The following FRMD6 variants were observed in gnomAD, a reference collection of about 807,000 sequenced individuals.
FRMD6 encodes FERM domain-containing protein 6.
A neutral mutation model predicts 73.2 loss-of-function variants in FRMD6; 37 were observed. The observed-to-expected ratio is 0.51, with a 90% CI of 0.39 to 0.66. The LOEUF is 0.66. Ranked by LOEUF, FRMD6 falls within the 30% of genes least tolerant of loss-of-function variation. FRMD6 has a pLI of 0.00. For missense variants in FRMD6, 714 were observed against 780.5 expected (o/e 0.91, Z 1.02); for synonymous variants, 273 against 282.2 (o/e 0.97, Z 0.33).
chr14:51,590,754 C>T (rs1566488706), intron 2 of FRMD6, among the ~76,000 whole-genome samples: 1 of 152,202 alleles, frequency 6.6e-6, no homozygotes. Context: ...ATGGAGATGT[C>T]TCCAAAGATC....
chr14:51,428,271 C>T, the FRMD6 span, among the ~76,000 whole-genome samples: 1 of 149,908 alleles, frequency 6.7e-6, no homozygotes, highest in South Asian at 2.1e-4. Context: ...GCCCAGGCTG[C>T]CCCCCACCCG....
chr14:51,713,389 C>T (rs1434944036), intron 9 of FRMD6, among the ~76,000 whole-genome samples: 1 of 148,300 alleles, frequency 6.7e-6, no homozygotes, highest in Non-Finnish European at 1.5e-5. Flanking sequence ...ACCCGAGAGG[C>T]GATGGTTGCC....
At chr14:51,713,439 CAA>C (rs1897061653) in intron 9 of FRMD6, among the ~76,000 whole-genome samples, 1 of 121,822 alleles carries the variant, frequency 8.2e-6, no homozygotes, top group South Asian at 2.6e-4. Flanking sequence ...GCCTAGGTAA[CAA>C]GAGTGCAACT....
chr14:51,478,526 G>A, the FRMD6 span, among the ~76,000 whole-genome samples: 5 of 152,132 alleles, frequency 3.3e-5, no homozygotes, highest in Non-Finnish European at 7.4e-5. Context: ...GAAATAAAAT[G>A]TTTCTCTATG....
At chr14:51,583,964 T>C (rs1473807754) in intron 2 of FRMD6, among the ~76,000 whole-genome samples, 1 of 152,110 alleles carries the variant, frequency 6.6e-6, no homozygotes, top group Non-Finnish European at 1.5e-5. Flanking sequence ...TGAGAAAACT[T>C]TTATATAGAG....
the FRMD6 span, among the ~76,000 whole-genome samples, chr14:51,465,680 C>A: frequency 6.6e-6 from 1 of 152,164 alleles, no homozygotes; most frequent in Non-Finnish European, 1.5e-5. Context: ...CATGGATATA[C>A]CACTATTTGT....
At chr14:51,607,050 C>T (rs1890288627) in intron 2 of FRMD6, among the ~76,000 whole-genome samples, 1 of 152,066 alleles carries the variant, frequency 6.6e-6, no homozygotes, top group Non-Finnish European at 1.5e-5. Context: ...GAATGATGCC[C>T]ACCCACACTG....
At chr14:51,496,231 A>C (rs1883284090) in intron 1 of FRMD6, among the ~76,000 whole-genome samples, 1 of 152,186 alleles carries the variant, frequency 6.6e-6, no homozygotes, top group Non-Finnish European at 1.5e-5. Context: ...CTTCACAAGA[A>C]AACCTGCACC....
chr14:51,583,709 C>T (rs1409623565), intron 2 of FRMD6, among the ~76,000 whole-genome samples: 2 of 152,140 alleles, frequency 1.3e-5, no homozygotes, highest in Non-Finnish European at 2.9e-5. Context: ...GCTCCAGGGC[C>T]CAGGCTCTTT....
In FRMD6 at chr14:51,728,651, C is replaced by G. The variant is rs1898113853; in HGVS notation, c.*622C>G. Reference sequence around the variant, plus strand: ...AAACCAGAAGTGCATGCTGTGATGCCTGTGACTCCTTCATCCCGCTCAGTG... The same window carrying G: ...AAACCAGAAGTGCATGCTGTGATGCGTGTGACTCCTTCATCCCGCTCAGTG... On this transcript the variant is annotated 3_prime_UTR_variant, in exon 14 of 14. Coordinates refer to ENST00000344768, the MANE Select transcript of FRMD6 (RefSeq NM_001267046.2). The G allele has an allele frequency of 6.5e-6, 1 of 153,412 alleles. No homozygotes were observed. Among genetic ancestry groups the G allele is most frequent in the Non-Finnish European group, 1.5e-5 (1 of 68,626 alleles). 9.5% of individuals were successfully genotyped at this position (153,412 alleles called of 1,614,324 possible). A position where few individuals can be genotyped will look rare whatever the true frequency, so the allele number is the denominator to read the frequency against.
At chr14:51,459,341 G>A in the FRMD6 span, among the ~76,000 whole-genome samples, 1 of 152,200 alleles carries the variant, frequency 6.6e-6, no homozygotes, top group Admixed American at 6.5e-5. Flanking sequence ...CACTTGAAAT[G>A]ACTAGGCCCT....
intron 1 of FRMD6, among the ~76,000 whole-genome samples, chr14:51,515,757 G>A (rs1265896435): frequency 1.3e-5 from 2 of 152,092 alleles, no homozygotes; most frequent in East Asian, 3.9e-4. Context: ...CCCATCCGTT[G>A]GACTTGAATA....
At chr14:51,550,580 A>AT (rs1555374769) in intron 1 of FRMD6, among the ~76,000 whole-genome samples, 1 of 148,008 alleles carries the variant, frequency 6.8e-6, no homozygotes, top group South Asian at 2.2e-4. Flanking sequence ...TTGGGAGGAG[A>AT]CCCCCCCGCC....
chr14:51,664,867 T>G (rs1393557165), intron 1 of FRMD6, among the ~76,000 whole-genome samples: 2 of 152,234 alleles, frequency 1.3e-5, no homozygotes, highest in Non-Finnish European at 2.9e-5. Context: ...TTAGTTAGAA[T>G]GTAATTGGCT....
chr14:51,523,283 G>A (rs1426854809), intron 1 of FRMD6, among the ~76,000 whole-genome samples: 1 of 152,072 alleles, frequency 6.6e-6, no homozygotes, highest in African/African-American at 2.4e-5. Context: ...CTTCTGAACA[G>A]AATGATTTTG....
At chr14:51,721,732 G>GGAAGGA (rs1897601013) in intron 11 of FRMD6, among the ~76,000 whole-genome samples, 1 of 111,874 alleles carries the variant, frequency 8.9e-6, no homozygotes, top group Non-Finnish European at 1.9e-5. Flanking sequence ...GGGAGGAAGG[G>GGAAGGA]AGGGAGGAAG....
In FRMD6 at chr14:51,653,844, A is replaced by G. The variant is rs73292762; in HGVS notation, c.-147+1848A>G. 9.4e-3 allele frequency among the ~76,000 whole-genome samples: 1,439 copies of G among 152,352 alleles called. 22 individuals are homozygous for G. Among genetic ancestry groups the G allele is most frequent in the African/African-American group, 0.033 (1,356 of 41,578 alleles). On this transcript the variant is annotated intron_variant, in intron 1 of 13. Transcript: ENST00000344768. ...TGTAAACATTTTGGATTCATATTTC[A>G]TATTAAAATGGACATTTAGTAGGAT...
At chr14:51,690,363 C>T (rs1435756159) in intron 2 of FRMD6, among the ~76,000 whole-genome samples, 1 of 152,026 alleles carries the variant, frequency 6.6e-6, no homozygotes. Context: ...TACTTTTGCA[C>T]CAACCTAGAT....
At chr14:51,549,591 CTTTCT>C (rs1886669729) in intron 1 of FRMD6, among the ~76,000 whole-genome samples, 1 of 93,618 alleles carries the variant, frequency 1.1e-5, no homozygotes, top group African/African-American at 4.6e-5. Context: ...CTTTTTTTTT[CTTTCT>C]TTTTTTTTTT....
Sources: gnomAD v4.1 joint callset for allele counts (sites outside exome capture counted in the v4.1 genomes callset) on GRCh38, gnomAD v4.1.1 for gene constraint, MANE v1.5 for transcripts, NCBI Gene and HGNC (gene_info 2026-07-23, HGNC 2026-07-21) for gene names.